The following DAND5 variants were observed in gnomAD, a reference collection of about 807,000 sequenced individuals.
DAND5 encodes DAN domain family member 5.
A neutral mutation model predicts 9.2 loss-of-function variants in DAND5; 8 were observed. That is an observed-to-expected ratio of 0.87 (90% confidence interval 0.51 to 1.56). The LOEUF is 1.56. Among genes scored for constraint, DAND5 ranks in the 40% most tolerant of loss-of-function variants. The pLI, the probability that DAND5 is intolerant of heterozygous loss-of-function variation, is 0.00. For missense variants in DAND5, 244 were observed against 244.7 expected, an observed-to-expected ratio of 1.00 and a Z score of 0.02; for synonymous variants, 95 against 101.1, an observed-to-expected ratio of 0.94 and a Z score of 0.36.
chr19:12,972,187 T>C (rs919987955), intron 1 of DAND5, among the ~76,000 whole-genome samples: 1 of 151,650 alleles, frequency 6.6e-6, no homozygotes, highest in African/African-American at 2.4e-5. Context: ...GCCTCCCAAG[T>C]AGCTGGGACC....
Position 12,974,049 on chromosome 19 carries a change from AGAC to A in DAND5, c.*416_*418del. 1 of 188,050 alleles carries A rather than the reference AGAC, an allele frequency of 5.3e-6. No homozygotes were observed. Among genetic ancestry groups the A allele is most frequent in the Admixed American group, 5.5e-5 (1 of 18,342 alleles). The allele number at this position is 188,050 out of a possible 1,614,324, so 11.6% of individuals were successfully genotyped here. The stretch of plus-strand genomic sequence containing the variant: ...GGCTAATTTTTTGTATTTTTAGTAA[AGAC>A]AGGGTTTCACCGTGTTAGCCAGGAT... On this transcript the variant is annotated 3_prime_UTR_variant, in exon 2 of 2. Transcript: ENST00000317060.
rs923386325 is a variant in DAND5, at chr19:12,973,791, C to T, written c.*157C>T. On this transcript the variant is annotated 3_prime_UTR_variant, in exon 2 of 2. Coordinates refer to ENST00000317060, the MANE Select transcript of DAND5 (RefSeq NM_152654.3). ...TCCCCAGAGTCCTCACCCTGCTCCC[C>T]AGACAGTAGACACAGTGCCCGTCCT... is the stretch of plus-strand genomic sequence containing the variant. The T allele has an allele frequency of 1.0e-5, 11 of 1,085,454 alleles. No homozygotes were observed. The highest frequency in any genetic ancestry group is 1.4e-5 in the Non-Finnish European group (11 of 774,662). The allele number at this position is 1,085,454 out of a possible 1,614,324, so 67.2% of individuals were successfully genotyped here.
chr19:12,970,836 A>G (rs2011142858), intron 1 of DAND5, among the ~76,000 whole-genome samples: 1 of 151,996 alleles, frequency 6.6e-6, no homozygotes, highest in Non-Finnish European at 1.5e-5. Context: ...GTGCACTACC[A>G]TGTCCGGCTA....
chr19:12,969,658 C>A lies in DAND5; in HGVS notation c.-3C>A. The A allele has an allele frequency of 6.3e-7, 1 of 1,598,050 alleles. No individual in the cohort carries two copies. Among genetic ancestry groups the A allele is most frequent in the South Asian group, 1.1e-5 (1 of 88,330 alleles). On this transcript the variant is annotated 5_prime_UTR_variant, in exon 1 of 2. Transcript: ENST00000317060. Reference sequence around the variant, plus strand: ...ACAGGCAGACAGACGCACGGACAAGCAGATGCTCCTTGGCCAGCTATCCAC... The same window carrying A: ...ACAGGCAGACAGACGCACGGACAAGAAGATGCTCCTTGGCCAGCTATCCAC...
chr19:12,970,823 G>T (rs1338085417), intron 1 of DAND5, among the ~76,000 whole-genome samples: 1 of 152,212 alleles, frequency 6.6e-6, no homozygotes, highest in Non-Finnish European at 1.5e-5. Context: ...TGAGATTACA[G>T]ATGTGCACTA....
In DAND5 at chr19:12,973,389, G is replaced by T; in HGVS notation, c.325G>T (p.Val109Leu). ...ACCGTCTCCATGCCTCCGGCCCCAG[G>T]TGTTCTCCCGGCCCGGCTGCTCAGC... The part of the protein sequence containing the change: ...GMCKAVPFVQ[V>L]FSRPGCSAIR... The change falls in exon 2 of 2, where the codon GTG becomes TTG. Residue 109 changes from valine (V) to leucine (L), a missense_variant and splice_region_variant. Physicochemically the swap from Val to Leu is conservative, Grantham distance 32. Transcript: ENST00000317060. The T allele has an allele frequency of 1.9e-6, 3 of 1,613,818 alleles. No homozygotes were observed. Among genetic ancestry groups the T allele is most frequent in the Non-Finnish European group, 1.7e-6 (2 of 1,179,940 alleles).
intron 1 of DAND5, among the ~76,000 whole-genome samples, chr19:12,971,485 G>T (rs2011145275): frequency 1.3e-5 from 2 of 151,520 alleles, no homozygotes; most frequent in Admixed American, 6.6e-5. Flanking sequence ...CACCATGTTG[G>T]TCAGGCTGGT....
chr19:12,972,902 C>CA (rs375469871), intron 1 of DAND5, among the ~76,000 whole-genome samples: 8 of 129,392 alleles, frequency 6.2e-5, no homozygotes, highest in Admixed American at 9.9e-5. Context: ...CTCGCTCTGT[C>CA]CCCAGGCTGG....
At chr19:12,972,464 G>A (rs1462823747) in intron 1 of DAND5, among the ~76,000 whole-genome samples, 3 of 151,896 alleles carry the variant, frequency 2.0e-5, no homozygotes, top group Admixed American at 2.0e-4. Context: ...TTTTAACTCC[G>A]AGGTAACCAA....
At chr19:12,972,436 C>A (rs1174690943) in intron 1 of DAND5, among the ~76,000 whole-genome samples, 1 of 152,020 alleles carries the variant, frequency 6.6e-6, no homozygotes, top group Non-Finnish European at 1.5e-5. Flanking sequence ...TCTCAAGCCA[C>A]CACATCCCGC....
intron 1 of DAND5, among the ~76,000 whole-genome samples, chr19:12,973,097 C>T (rs571564748): frequency 1.7e-4 from 25 of 151,228 alleles, no homozygotes; most frequent in South Asian, 6.3e-4. Context: ...CTGCTGACCT[C>T]GTGATCCGCC....
At chr19:12,972,451 G>T (rs1479763869) in intron 1 of DAND5, among the ~76,000 whole-genome samples, 7 of 151,778 alleles carry the variant, frequency 4.6e-5, no homozygotes, top group African/African-American at 7.3e-5. Flanking sequence ...TCCCGCCCTT[G>T]GCTTTTAACT....
chr19:12,972,944 G>C (rs2011152767), intron 1 of DAND5, among the ~76,000 whole-genome samples: 1 of 141,800 alleles, frequency 7.1e-6, no homozygotes, highest in Non-Finnish European at 1.5e-5. Flanking sequence ...CTCACTACAA[G>C]CTCCGCCTCC....
At chr19:12,973,108 C>T (rs1015067164) in intron 1 of DAND5, among the ~76,000 whole-genome samples, 21 of 152,000 alleles carry the variant, frequency 1.4e-4, no homozygotes, top group African/African-American at 2.4e-4. Context: ...GTGATCCGCC[C>T]GCCTTGGCCT....
At position 12,969,759 on chromosome 19, in the gene DAND5, C is replaced by A. The variant is rs982529803; in HGVS notation, c.99C>A (p.Ser33=). ...RPEPQSPRPQ[S]WAAANQTWAL... is the part of the protein sequence containing the mutation. ...AACCCCAGTCTCCTCGACCTCAGTC[C>A]TGGGCTGCAGCCAATCAGACCTGGG... The change falls in exon 1 of 2, where the codon TCC becomes TCA. Residue 33 remains serine, a synonymous_variant. Transcript: ENST00000317060. 1 of 1,589,498 alleles carries A rather than the reference C, an allele frequency of 6.3e-7. No individual in the cohort carries two copies.
In DAND5 at chr19:12,969,654, C is replaced by T; in HGVS notation, c.-7C>T. 1 of 1,594,822 alleles carries T rather than the reference C, an allele frequency of 6.3e-7. No individual in the cohort carries two copies. Among genetic ancestry groups the T allele is most frequent in the South Asian group, 1.1e-5 (1 of 87,660 alleles). ...ACAGACAGGCAGACAGACGCACGGA[C>T]AAGCAGATGCTCCTTGGCCAGCTAT... On this transcript the variant is annotated 5_prime_UTR_variant, in exon 1 of 2. Coordinates refer to ENST00000317060, the MANE Select transcript of DAND5 (RefSeq NM_152654.3).
intron 1 of DAND5, among the ~76,000 whole-genome samples, chr19:12,971,099 C>T (rs972573679): frequency 2.6e-5 from 4 of 152,094 alleles, no homozygotes; most frequent in African/African-American, 9.7e-5. Flanking sequence ...ATGCATTGAG[C>T]ACCTACTTTG....
At chr19:12,971,618 G>T (rs1247591051) in intron 1 of DAND5, among the ~76,000 whole-genome samples, 3 of 150,678 alleles carry the variant, frequency 2.0e-5, no homozygotes, top group Non-Finnish European at 4.4e-5. Context: ...TTGAGACAGA[G>T]TCTCACTCTG....
chr19:12,973,679 A>G lies in DAND5; in HGVS notation c.*45A>G, dbSNP rs1431030619. ...TGCACGGAGACACGCACCTTGGAGA[A>G]ATGAGGGGAGATGGACCAAGAAAGA... On this transcript the variant is annotated 3_prime_UTR_variant, in exon 2 of 2. Transcript: ENST00000317060. 1.3e-6 allele frequency: 2 copies of G among 1,589,226 alleles called. No individual in the cohort carries two copies. Among genetic ancestry groups the G allele is most frequent in the South Asian group, 2.3e-5 (2 of 86,338 alleles).
Sources: gnomAD v4.1 joint callset for allele counts (sites outside exome capture counted in the v4.1 genomes callset) on GRCh38, gnomAD v4.1.1 for gene constraint, MANE v1.5 for transcripts, NCBI Gene and HGNC (gene_info 2026-07-23, HGNC 2026-07-21) for gene names.